CERS6: variants seen among roughly 807,000 people sequenced by gnomAD.
The protein encoded by CERS6 is ceramide synthase 6.
CERS6 carries 26 observed loss-of-function variants against 56.8 expected under a neutral mutation model. The ratio of observed to expected loss-of-function variants is 0.46; its 90% confidence interval spans 0.34 to 0.63. The LOEUF (loss-of-function observed/expected upper bound fraction) is 0.63. Ranked by LOEUF, CERS6 falls within the 30% of genes least tolerant of loss-of-function variation. CERS6 has a pLI of 0.01. For missense variants in CERS6, 415 were observed against 467.5 expected, an observed-to-expected ratio of 0.89 and a Z score of 1.04; for synonymous variants, 164 against 173.3, an observed-to-expected ratio of 0.95 and a Z score of 0.42.
chr2:168,553,777 T>G (rs1207576596), intron 2 of CERS6, among the ~76,000 whole-genome samples: 54 of 152,110 alleles, frequency 3.6e-4, no homozygotes, highest in Admixed American at 3.5e-3. Flanking sequence ...GAAAGAAATC[T>G]AAGGAATGGT....
At chr2:168,519,651 C>T (rs565393303) in intron 1 of CERS6, among the ~76,000 whole-genome samples, 8 of 152,280 alleles carry the variant, frequency 5.3e-5, no homozygotes, top group Non-Finnish European at 8.8e-5. Flanking sequence ...TTTTCTGTTT[C>T]CATGACAGTT....
In CERS6 at chr2:168,537,446, G is replaced by T. The variant is rs1203061549; in HGVS notation, c.171-10150G>T. On this transcript the variant is annotated intron_variant, in intron 1 of 9. Transcript: ENST00000305747. ...TTTAATTTACTTTTCTTATTTTAGG[G>T]AGAGTGGCTAATTTCCTCCGGTACA... Among the ~76,000 whole-genome samples the T allele has an allele frequency of 2.0e-5, 3 of 152,136 alleles. No individual in the cohort carries two copies. The East Asian group carries it at 5.8e-4, about 29-fold the overall frequency.
intron 3 of CERS6, among the ~76,000 whole-genome samples, chr2:168,630,123 A>G (rs765293285): frequency 1.3e-5 from 2 of 151,776 alleles, no homozygotes; most frequent in Non-Finnish European, 2.9e-5. Flanking sequence ...GCCCTTAACT[A>G]TTATACTACA....
chr2:168,611,966 A>G (rs1409372291), intron 3 of CERS6, among the ~76,000 whole-genome samples: 4 of 152,206 alleles, frequency 2.6e-5, no homozygotes, highest in Admixed American at 6.5e-5. Flanking sequence ...AGCCATTGGC[A>G]CTGGCCCATA....
At position 168,534,540 on chromosome 2, in the gene CERS6, G is replaced by A. The variant is rs530437931; in HGVS notation, c.171-13056G>A. Among the ~76,000 whole-genome samples the A allele has an allele frequency of 2.4e-4, 37 of 151,906 alleles. 1 individual carries two copies. Among genetic ancestry groups the A allele is most frequent in the African/African-American group, 7.5e-4 (31 of 41,408 alleles). Reference sequence around the variant, plus strand: ...ATTTCAGGCCCTATTCATCTGGCTCGCTCCCGCGTCGGGAGATGTCACTCA... The same window carrying A: ...ATTTCAGGCCCTATTCATCTGGCTCACTCCCGCGTCGGGAGATGTCACTCA... On this transcript the variant is annotated intron_variant, in intron 1 of 9. Coordinates refer to ENST00000305747, the MANE Select transcript of CERS6 (RefSeq NM_203463.3).
At chr2:168,724,668 G>A (rs911918867) in intron 8 of CERS6, among the ~76,000 whole-genome samples, 9 of 152,080 alleles carry the variant, frequency 5.9e-5, no homozygotes, top group Admixed American at 3.3e-4. Flanking sequence ...TAGATACAGA[G>A]TGTCGATTGG....
At chr2:168,461,453 C>T (rs979698656) in intron 1 of CERS6, among the ~76,000 whole-genome samples, 2 of 125,214 alleles carry the variant, frequency 1.6e-5, no homozygotes, top group East Asian at 2.1e-4. Flanking sequence ...GAGTGAGACC[C>T]TGTCTCAAAA....
At chr2:168,618,942 C>T (rs551075241) in intron 3 of CERS6, among the ~76,000 whole-genome samples, 2 of 152,170 alleles carry the variant, frequency 1.3e-5, no homozygotes, top group Admixed American at 1.3e-4. Flanking sequence ...TGCAAAAGAA[C>T]AAATCTGGAG....
chr2:168,616,260 A>T (rs537161274), intron 3 of CERS6, among the ~76,000 whole-genome samples: 116 of 152,354 alleles, frequency 7.6e-4, no homozygotes, highest in Non-Finnish European at 1.3e-3. Flanking sequence ...ACATCAAAAC[A>T]GAACCTCTTT....
At chr2:168,677,956 C>T (rs1686107187) in intron 4 of CERS6, among the ~76,000 whole-genome samples, 1 of 152,192 alleles carries the variant, frequency 6.6e-6, no homozygotes, top group Non-Finnish European at 1.5e-5. Context: ...CTCATCATCA[C>T]TGGTCGTCAG....
At chr2:168,536,461 T>TCA (rs752241425) in intron 1 of CERS6, among the ~76,000 whole-genome samples, 1 of 151,866 alleles carries the variant, frequency 6.6e-6, no homozygotes, top group African/African-American at 2.4e-5. Context: ...GCTGCTTTTG[T>TCA]CACACACACA....
At chr2:168,729,242 T>C (rs1349210472) in intron 8 of CERS6, among the ~76,000 whole-genome samples, 1 of 152,196 alleles carries the variant, frequency 6.6e-6, no homozygotes, top group Non-Finnish European at 1.5e-5. Flanking sequence ...TAAAGTCTCA[T>C]GCTAGGACCG....
At chr2:168,689,128 G>A (rs1686431877) in intron 4 of CERS6, among the ~76,000 whole-genome samples, 2 of 152,126 alleles carry the variant, frequency 1.3e-5, no homozygotes, top group African/African-American at 4.8e-5. Flanking sequence ...ATGAGGCCTT[G>A]CATTTCCATT....
chr2:168,681,525 T>G (rs1335220873), intron 4 of CERS6, among the ~76,000 whole-genome samples: 1 of 152,144 alleles, frequency 6.6e-6, no homozygotes, highest in Non-Finnish European at 1.5e-5. Context: ...ATATGCAATT[T>G]TACATATTTT....
intron 8 of CERS6, among the ~76,000 whole-genome samples, chr2:168,728,729 G>A (rs1683426512): frequency 6.6e-6 from 1 of 151,978 alleles, no homozygotes; most frequent in Admixed American, 6.6e-5. Flanking sequence ...TCGCCGGCCA[G>A]TCGCAGTGGC....
At chr2:168,556,817 A>G (rs1352350292) in intron 2 of CERS6, among the ~76,000 whole-genome samples, 1 of 152,094 alleles carries the variant, frequency 6.6e-6, no homozygotes, top group Non-Finnish European at 1.5e-5. Flanking sequence ...GTTAATAACC[A>G]GAAACCAATA....
intron 8 of CERS6, among the ~76,000 whole-genome samples, 171 bp downstream of exon 8, chr2:168,718,149 T>TTTACTAATGATTTCCACAG (rs1338454261): frequency 9.2e-5 from 14 of 152,196 alleles, no homozygotes; most frequent in Non-Finnish European, 1.5e-4. Flanking sequence ...GGTTGCACTC[T>TTTACTAATGATTTCCACAG]TTACTAATGA....
chr2:168,645,181 A>AGAGAGAGAGAGAGAGAGAGT (rs1332171299), intron 4 of CERS6, among the ~76,000 whole-genome samples: 12 of 120,668 alleles, frequency 9.9e-5, no homozygotes, highest in Non-Finnish European at 1.9e-4. Context: ...AGAGAGAGAG[A>AGAGAGAGAGAGAGAGAGAGT]GAGAGAGAGT....
intron 8 of CERS6, among the ~76,000 whole-genome samples, chr2:168,728,896 T>C (rs1239120164): frequency 6.6e-6 from 1 of 150,610 alleles, no homozygotes; most frequent in African/African-American, 2.4e-5. Context: ...TAATCCCAGC[T>C]ACTCGGGAGG....
Sources: allele counts gnomAD v4.1 joint callset (sites outside exome capture counted in the v4.1 genomes callset), GRCh38; gene constraint gnomAD v4.1.1; transcripts MANE v1.5; gene names NCBI Gene and HGNC (gene_info 2026-07-23, HGNC 2026-07-21).